The following TRIO variants were observed in gnomAD, a reference collection of about 807,000 sequenced individuals.
The protein encoded by TRIO is trio Rho guanine nucleotide exchange factor.
TRIO carries 58 observed loss-of-function variants against 351.9 expected under a neutral mutation model. The ratio of observed to expected loss-of-function variants is 0.16; its 90% CI spans 0.13 to 0.21. TRIO has a LOEUF of 0.21. Among genes scored for constraint, TRIO ranks in the 10% least tolerant of loss-of-function variants. The pLI is 1.00. For missense variants in TRIO, 3,201 were observed against 4,027.8 expected (o/e 0.79, Z 5.56); for synonymous variants, 1,758 against 1,595.7 (o/e 1.10, Z -2.42).
At chr5:14,171,501 C>G (rs868450306) in intron 1 of TRIO, among the ~76,000 whole-genome samples, 2 of 152,270 alleles carry the variant, frequency 1.3e-5, no homozygotes, top group Middle Eastern at 3.4e-3. Context: ...AATTAGATAG[C>G]TGTAAATTAT....
chr5:14,425,143 G>T (rs891688903), intron 34 of TRIO, among the ~76,000 whole-genome samples: 1 of 152,182 alleles, frequency 6.6e-6, no homozygotes, highest in African/African-American at 2.4e-5. Flanking sequence ...ACATTGTTAT[G>T]CAGCCGTCAT....
chr5:14,252,732 C>T (rs1794814373), intron 1 of TRIO, among the ~76,000 whole-genome samples: 2 of 152,204 alleles, frequency 1.3e-5, no homozygotes, highest in Admixed American at 1.3e-4. Context: ...AACCAGAGGG[C>T]ATCATCCCTC....
At chr5:14,314,936 C>T (rs571923316) in intron 8 of TRIO, among the ~76,000 whole-genome samples, 1 of 152,330 alleles carries the variant, frequency 6.6e-6, no homozygotes, top group South Asian at 2.1e-4. Flanking sequence ...CTGATTTCCT[C>T]CCAAGTTTTG....
intron 48 of TRIO, 61 bp downstream of exon 48, chr5:14,488,321 A>ACGC: frequency 6.6e-7 from 1 of 1,506,060 alleles, no homozygotes; most frequent in East Asian, 2.5e-5. Context: ...CCAGCTCTAA[A>ACGC]CGCCACCGCG....
At chr5:14,466,235 C>T (rs1754254124) in intron 37 of TRIO, 1 of 155,284 alleles carries the variant, frequency 6.4e-6, no homozygotes, top group Non-Finnish European at 1.4e-5. Flanking sequence ...CATACCCTGC[C>T]TGCAGTCACT....
intron 11 of TRIO, among the ~76,000 whole-genome samples, chr5:14,337,953 G>T (rs1319700448): frequency 6.6e-6 from 1 of 152,168 alleles, no homozygotes; most frequent in Non-Finnish European, 1.5e-5. Context: ...ATAGAAACTG[G>T]CACAGCTAAC....
intron 33 of TRIO, among the ~76,000 whole-genome samples, chr5:14,415,547 C>T (rs550465169): frequency 3.3e-5 from 5 of 152,280 alleles, no homozygotes; most frequent in East Asian, 1.9e-4. Flanking sequence ...CCATTAACTG[C>T]GTTCGTGCAA....
chr5:14,159,068 G>T (rs902459810), intron 1 of TRIO, among the ~76,000 whole-genome samples: 1 of 152,140 alleles, frequency 6.6e-6, no homozygotes, highest in Admixed American at 6.5e-5. Flanking sequence ...CGCGCACAGT[G>T]GGTTCTGCCG....
At chr5:14,362,389 G>C (rs1346231734) in intron 13 of TRIO, among the ~76,000 whole-genome samples, 1 of 152,158 alleles carries the variant, frequency 6.6e-6, no homozygotes, top group Non-Finnish European at 1.5e-5. Context: ...TCGACTCCCA[G>C]CGTGTTCGGA....
chr5:14,379,227 C>T (rs1004807825), intron 20 of TRIO, among the ~76,000 whole-genome samples: 1 of 152,178 alleles, frequency 6.6e-6, no homozygotes, highest in African/African-American at 2.4e-5. Flanking sequence ...CACATTCTGA[C>T]CACGACACGG....
chr5:14,232,442 T>G (rs1793499686), intron 1 of TRIO, among the ~76,000 whole-genome samples: 1 of 152,250 alleles, frequency 6.6e-6, no homozygotes, highest in African/African-American at 2.4e-5. Context: ...CCTTGACCTC[T>G]ATAACGCTCA....
chr5:14,422,098 C>T (rs1032769139), intron 34 of TRIO, among the ~76,000 whole-genome samples: 5 of 152,202 alleles, frequency 3.3e-5, no homozygotes, highest in African/African-American at 1.2e-4. Flanking sequence ...AGTATAAGAG[C>T]TGTTCAGGCT....
At chr5:14,415,056 C>T (rs548824795) in intron 33 of TRIO, among the ~76,000 whole-genome samples, 4 of 152,326 alleles carry the variant, frequency 2.6e-5, no homozygotes, top group South Asian at 2.1e-4. Flanking sequence ...GAAACCTTCA[C>T]GGAACCGCAA....
At chr5:14,183,688 T>G (rs1789932607) in intron 1 of TRIO, 6 of 359,370 alleles carry the variant, frequency 1.7e-5, no homozygotes, top group South Asian at 4.3e-5. Flanking sequence ...GTTTCAGACT[T>G]GGATCAAAAA....
At chr5:14,315,653 G>T (rs953942420) in intron 8 of TRIO, among the ~76,000 whole-genome samples, 6 of 152,118 alleles carry the variant, frequency 3.9e-5, no homozygotes, top group African/African-American at 1.4e-4. Flanking sequence ...TCCCACACCT[G>T]GTTACCTTAT....
intron 16 of TRIO, among the ~76,000 whole-genome samples, chr5:14,367,242 G>C (rs1744681857): frequency 6.6e-6 from 1 of 152,162 alleles, no homozygotes; most frequent in Non-Finnish European, 1.5e-5. Flanking sequence ...AGGCCAGGGG[G>C]TTCCTGTTGT....
intron 47 of TRIO, among the ~76,000 whole-genome samples, chr5:14,487,084 G>C (rs1175942193): frequency 6.6e-6 from 1 of 152,142 alleles, no homozygotes; most frequent in African/African-American, 2.4e-5. Flanking sequence ...AGCAGAGGTG[G>C]TCTATGAAAC....
rs1481403237 is a variant in TRIO at position 14,488,111 on chromosome 5, A to G, written c.7483A>G (p.Ser2495Gly). The change falls in exon 48 of 57, where the codon AGC becomes GGC. Residue 2495 changes from serine to glycine, a missense_variant. This residue lies in a region of TRIO where 1,089 missense variants were observed against 954.9 expected (regional missense o/e 1.14). Coordinates refer to ENST00000344204, the MANE Select transcript of TRIO (RefSeq NM_007118.4). ...FWSSIPASPASRPGSFTFPGD... is the reference protein window; with the variant it reads ...FWSSIPASPAGRPGSFTFPGD... ...GAGCTCCATCCCCGCCTCCCCCGCC[A>G]GCCGACCCGGCTCCTTCACCTTCCC... The G allele has an allele frequency of 6.2e-7, 1 of 1,609,246 alleles. No individual in the cohort carries two copies. Among genetic ancestry groups the G allele is most frequent in the South Asian group, 1.1e-5 (1 of 90,904 alleles).
At chr5:14,243,443 T>C (rs541448910) in intron 1 of TRIO, among the ~76,000 whole-genome samples, 1 of 152,326 alleles carries the variant, frequency 6.6e-6, no homozygotes, top group East Asian at 1.9e-4. Context: ...TTTATGTCTA[T>C]GGTACTTAAA....
Sources: gnomAD v4.1 joint callset for allele counts (sites outside exome capture counted in the v4.1 genomes callset) on GRCh38, gnomAD v4.1.1 for gene constraint, gnomAD v4.1.1 regional missense constraint, MANE v1.5 for transcripts, NCBI Gene and HGNC (gene_info 2026-07-23, HGNC 2026-07-21) for gene names.